CDH20: variants seen among roughly 807,000 people sequenced by gnomAD.
CDH20 encodes cadherin 20.
In CDH20, 29 loss-of-function variants were observed where a neutral mutation model predicts 74.2. The observed-to-expected ratio is 0.39, with a 90% CI of 0.29 to 0.53. The LOEUF (loss-of-function observed/expected upper bound fraction) is 0.53. CDH20 is among the 20% of genes least tolerant of loss of function. The pLI is 0.69. For synonymous variants in CDH20, 469 were observed against 405.4 expected (o/e 1.16, Z -1.88); for missense variants, 988 against 1,048.3 (o/e 0.94, Z 0.79).
intron 1 of CDH20, among the ~76,000 whole-genome samples, chr18:61,382,934 C>A (rs1367141648): frequency 6.6e-6 from 1 of 152,138 alleles, no homozygotes; most frequent in Non-Finnish European, 1.5e-5. Context: ...TGAACTCTGG[C>A]AGCATGGGTT....
At chr18:61,439,005 G>A (rs2144313912) in intron 1 of CDH20, among the ~76,000 whole-genome samples, 1 of 152,258 alleles carries the variant, frequency 6.6e-6, no homozygotes, top group Admixed American at 6.5e-5. Flanking sequence ...TGCAGGCACA[G>A]AAAATCAAAT....
At chr18:61,337,517 T>C (rs956055244) in intron 1 of CDH20, among the ~76,000 whole-genome samples, 6 of 152,234 alleles carry the variant, frequency 3.9e-5, no homozygotes, top group African/African-American at 1.4e-4. Flanking sequence ...TTTTCTATTA[T>C]GAAACAAATT....
chr18:61,365,718 A>G (rs967508676), intron 1 of CDH20, among the ~76,000 whole-genome samples: 2 of 152,208 alleles, frequency 1.3e-5, no homozygotes, highest in African/African-American at 4.8e-5. Flanking sequence ...GTAGGTTTAC[A>G]GGTTCCTGGT....
intron 8 of CDH20, among the ~76,000 whole-genome samples, chr18:61,537,656 T>A (rs2144389262): frequency 6.6e-6 from 1 of 152,310 alleles, no homozygotes; most frequent in Middle Eastern, 3.4e-3. Context: ...GTCATATATC[T>A]AATGGATATC....
At position 61,347,255 on chromosome 18, in the gene CDH20, C is replaced by CCTGGCCA. The variant is rs1378551135; in HGVS notation, c.-153+13429_-153+13435dup. Among the ~76,000 whole-genome samples, 3 of 140,604 alleles carry CCTGGCCA rather than the reference C, an allele frequency of 2.1e-5. No homozygotes were observed. The Admixed American group carries it at 2.2e-4, about 10-fold the overall frequency. The allele number at this position is 140,604 out of a possible 152,430, so 92.2% of individuals were successfully genotyped here. On this transcript the variant is annotated intron_variant, in intron 1 of 11. Transcript: ENST00000262717. The stretch of plus-strand genomic sequence containing the variant: ...CTTGAGACCAGGAGTTTGAGACCAG[C>CCTGGCCA]CTGGCCAACATGGTGAAACCTTGTC...
At chr18:61,514,697 T>G (rs1300776710) in intron 6 of CDH20, among the ~76,000 whole-genome samples, 8 of 150,758 alleles carry the variant, frequency 5.3e-5, no homozygotes, top group Middle Eastern at 3.5e-3. Context: ...GTCCTTTCTG[T>G]TTGTTAGTTT....
chr18:61,386,228 G>GA (rs1455359725), intron 1 of CDH20, among the ~76,000 whole-genome samples: 1 of 152,134 alleles, frequency 6.6e-6, no homozygotes, highest in Non-Finnish European at 1.5e-5. Context: ...ATTCATATGT[G>GA]AAAACCTAAT....
intron 1 of CDH20, among the ~76,000 whole-genome samples, chr18:61,334,582 CAA>C (rs886726576): frequency 1.3e-5 from 2 of 152,166 alleles, no homozygotes; most frequent in African/African-American, 4.8e-5. Flanking sequence ...TTCAGATTTG[CAA>C]AGAGAACGTT....
intron 1 of CDH20, among the ~76,000 whole-genome samples, chr18:61,486,188 C>G (rs778666405): frequency 2.3e-4 from 35 of 152,194 alleles, no homozygotes; most frequent in Non-Finnish European, 4.3e-4. Flanking sequence ...GGTCAGAGAA[C>G]TGTGTCCCCT....
At chr18:61,542,231 T>A (rs374982633) in intron 9 of CDH20, among the ~76,000 whole-genome samples, 15 of 152,280 alleles carry the variant, frequency 9.9e-5, no homozygotes, top group East Asian at 1.9e-4. Flanking sequence ...AGGAGGGTAA[T>A]CCTGGAGTGT....
At chr18:61,475,270 C>G (rs760999425) in intron 1 of CDH20, among the ~76,000 whole-genome samples, 2 of 152,072 alleles carry the variant, frequency 1.3e-5, no homozygotes, top group African/African-American at 4.8e-5. Flanking sequence ...GTCTAAGTAG[C>G]CAGATATAGG....
At chr18:61,485,802 G>C (rs1030735053) in intron 1 of CDH20, among the ~76,000 whole-genome samples, 1 of 152,060 alleles carries the variant, frequency 6.6e-6, no homozygotes, top group South Asian at 2.1e-4. Flanking sequence ...GGCCAGGTGC[G>C]GTGGCTCACG....
In CDH20 at chr18:61,443,982, C is replaced by T. The variant is rs947121064; in HGVS notation, c.-152-46420C>T. ...TCCAGTGACTCCCAGTGCACAGTGT[C>T]GGCAGGAAGTCAGTTGTCTGGACCC... On this transcript the variant is annotated intron_variant, in intron 1 of 11. Coordinates refer to ENST00000262717, the MANE Select transcript of CDH20 (RefSeq NM_031891.4). Among the ~76,000 whole-genome samples, 9 of 152,160 alleles carry T rather than the reference C, an allele frequency of 5.9e-5. No homozygotes were observed. In the South Asian group the frequency reaches 1.0e-3, roughly 18 times the overall value.
At chr18:61,495,611 C>T (rs7236512) in intron 2 of CDH20, among the ~76,000 whole-genome samples, 100,963 of 152,028 alleles carry the variant, frequency 0.66, 33,803 homozygotes, top group Admixed American at 0.71. Flanking sequence ...GAAGCTCCTG[C>T]GGCCCCAGCC....
At chr18:61,500,525 C>A (rs760547571) in intron 4 of CDH20, 23 bp downstream of exon 4, 5 of 1,594,768 alleles carry the variant, frequency 3.1e-6, no homozygotes, top group Non-Finnish European at 2.6e-6. Context: ...AGGGTCGAGT[C>A]AGAGGTGTTT....
At chr18:61,466,013 T>C (rs1170167964) in intron 1 of CDH20, among the ~76,000 whole-genome samples, 1 of 151,928 alleles carries the variant, frequency 6.6e-6, no homozygotes. Flanking sequence ...TGAGCCATGA[T>C]TGTGCCACTG....
At chr18:61,479,443 C>A (rs1284906376) in intron 1 of CDH20, among the ~76,000 whole-genome samples, 1 of 152,144 alleles carries the variant, frequency 6.6e-6, no homozygotes, top group Non-Finnish European at 1.5e-5. Flanking sequence ...TCTTTTTACA[C>A]ATATTCCCAT....
intron 6 of CDH20, among the ~76,000 whole-genome samples, chr18:61,516,600 A>C (rs1205174165): frequency 6.6e-6 from 1 of 152,164 alleles, no homozygotes; most frequent in East Asian, 1.9e-4. Flanking sequence ...TGAATTTGGA[A>C]ATTGGATTCT....
intron 1 of CDH20, among the ~76,000 whole-genome samples, chr18:61,470,567 T>C (rs1910133184): frequency 6.6e-6 from 1 of 151,646 alleles, no homozygotes; most frequent in African/African-American, 2.4e-5. Flanking sequence ...TGCCTGCTCA[T>C]TCACGCCTTA....
Sources: allele counts gnomAD v4.1 joint callset (sites outside exome capture counted in the v4.1 genomes callset), GRCh38; gene constraint gnomAD v4.1.1; transcripts MANE v1.5; gene names NCBI Gene and HGNC (gene_info 2026-07-23, HGNC 2026-07-21).